SZT2: variants seen among roughly 807,000 people sequenced by gnomAD.
SZT2 encodes KICSTOR complex protein SZT2.
A neutral mutation model predicts 404.2 loss-of-function variants in SZT2; 216 were observed. The observed-to-expected ratio is 0.53, with a 90% CI of 0.48 to 0.60. The LOEUF (loss-of-function observed/expected upper bound fraction) is 0.60, where lower values mean the gene tolerates loss of function less well. Ranked by LOEUF, SZT2 falls within the 20% of genes least tolerant of loss-of-function variation. SZT2 has a pLI of 0.00. For synonymous variants in SZT2, 1,693 were observed against 1,749.9 expected (o/e 0.97, Z 0.81); for missense variants, 3,857 against 4,459.2 (o/e 0.86, Z 3.85).
intron 1 of SZT2, among the ~76,000 whole-genome samples, chr1:43,397,085 T>C (rs989043247): frequency 3.3e-5 from 5 of 152,194 alleles, no homozygotes; most frequent in Non-Finnish European, 7.3e-5. Context: ...ACAGTTATTA[T>C]TAGAACACTT....
intron 1 of SZT2, 123 bp from the exon 2 acceptor site, chr1:43,403,054 C>A: frequency 2.8e-6 from 3 of 1,064,350 alleles, no homozygotes; most frequent in Non-Finnish European, 4.2e-6. Context: ...AAACTTTTCA[C>A]TTCTGCTGTT....
rs934006314 is a variant in SZT2, at chr1:43,453,524, C to G, written c.*3044C>G. 3.3e-6 allele frequency: 5 copies of G among 1,533,066 alleles called. No homozygotes were observed. The Admixed American group carries it at 6.0e-5, about 18-fold the overall frequency. 95.0% of individuals were successfully genotyped at this position (1,533,066 alleles called of 1,614,324 possible). ...TGCAGAGAGAACGGGCCTCAGCCCCCGGCTCGGACACTCCCCTGCCCGCGC... is the reference window on the plus strand; with the variant it reads ...TGCAGAGAGAACGGGCCTCAGCCCCGGGCTCGGACACTCCCCTGCCCGCGC... On this transcript the variant is annotated 3_prime_UTR_variant, in exon 72 of 72. Coordinates refer to ENST00000634258, the MANE Select transcript of SZT2 (RefSeq NM_001365999.1).
intron 46 of SZT2, chr1:43,438,218 A>G (rs993390736): frequency 2.6e-6 from 1 of 378,972 alleles, no homozygotes; most frequent in Non-Finnish European, 4.9e-6. Context: ...TGACTGAGGC[A>G]CAGCTTGGGG....
rs773081202 is a variant in SZT2, at chr1:43,448,091, C to CGT, written c.9578_9579dup (p.Val3194TrpfsTer48). 6.3e-7 allele frequency: 1 copy of CGT among 1,596,518 alleles called. No homozygotes were observed. On this transcript the variant is annotated frameshift_variant, in exon 69 of 72. Transcript: ENST00000634258. LOFTEE classifies it high-confidence loss of function. This position sits in a 1 kb window ranked among gnomAD's most constrained non-coding sequence, Gnocchi z 4.2. ...CTCCCCACCCCAGGCTACAGTTCTT[C>CGT]GTGGTGCTCACCAGCCAGCGAGAGC...
rs780228990 is a variant in SZT2 at position 43,438,813 on chromosome 1, T to C, written c.6623T>C (p.Val2208Ala). Residue 2208 changes from valine (V) to alanine (A), a missense_variant, in exon 47 of 72, where the codon GTG becomes GCG. By Grantham distance (64) the Val-to-Ala change is moderately conservative. Coordinates refer to ENST00000634258, the MANE Select transcript of SZT2 (RefSeq NM_001365999.1). The stretch of plus-strand genomic sequence containing the variant: ...AACTGCAAGCTGACACCAGCTGATG[T>C]GGAGGTCAGCTCCCCTCTAGGCACC... ...VRNCKLTPAD[V>A]EFIQPPGSLP... 4 of 1,613,224 alleles carry C rather than the reference T, an allele frequency of 2.5e-6. No individual in the cohort carries two copies. In the African/African-American group the frequency reaches 4.0e-5, roughly 16 times the overall value.
rs554768382 is a variant in SZT2, at chr1:43,415,043, C to G, written c.499-39C>G. On this transcript the variant is annotated intron_variant, in intron 4 of 71. Transcript: ENST00000634258. ...CAGAAGTGTAGTGGTCTGTGCCACC[C>G]TGACCGTCCTGTCTCAGTCTTTCCC... 4.4e-5 allele frequency: 70 copies of G among 1,589,980 alleles called. No individual in the cohort carries two copies. The African/African-American group carries it at 7.3e-4, about 17-fold the overall frequency.
At position 43,448,402 on chromosome 1, in the gene SZT2, G is replaced by C. The variant is rs368272173; in HGVS notation, c.9887G>C (p.Gly3296Ala). 1.3e-5 allele frequency: 21 copies of C among 1,579,916 alleles called. 1 individual carries two copies. The highest frequency in any genetic ancestry group is 3.7e-5 in the Admixed American group (2 of 54,010). The change falls in exon 69 of 72, where the codon GGG becomes GCG. Residue 3296 changes from glycine (G) to alanine (A), a missense_variant. Gly to Ala is a moderately conservative substitution (Grantham distance 60). Around this residue, in one of 7 missense-constraint regions of SZT2, gnomAD observed 717 missense variants for 868.2 expected, o/e 0.83. Coordinates refer to ENST00000634258, the MANE Select transcript of SZT2 (RefSeq NM_001365999.1). This position sits in a 1 kb window ranked among gnomAD's most constrained non-coding sequence, Gnocchi z 4.2. ...CCGGGGCCTGATCGACTGCGGCTAG[G>C]GGGGCGCCTGGCCCTGGCAGAGCTG... Reference protein sequence around the residue: ...EPPGPDRLRLGGRLALAELEE... With the variant: ...EPPGPDRLRLAGRLALAELEE...
At chr1:43,402,137 A>G (rs980837667) in intron 1 of SZT2, among the ~76,000 whole-genome samples, 2 of 152,116 alleles carry the variant, frequency 1.3e-5, no homozygotes, top group Admixed American at 6.5e-5. Flanking sequence ...TTTCTCCTCT[A>G]CTACCTGCTC....
rs1013158825 is a variant in SZT2 at position 43,428,334 on chromosome 1, C to T, written c.4014C>T (p.Asp1338=). 2.5e-6 allele frequency: 4 copies of T among 1,614,044 alleles called. No individual in the cohort carries two copies. In the African/African-American group the frequency reaches 4.0e-5, roughly 16 times the overall value. ...DACEELLQEI[D]ITPFLLALCG... ...GTGAGGAGCTACTACAAGAAATAGA[C>T]ATCACCCCATTTCTCCTTGCATTGT... Residue 1338 remains aspartate (D), a synonymous_variant, in exon 28 of 72, where the codon GAC becomes GAT. Transcript: ENST00000634258.
At chr1:43,395,708 A>G (rs1297529302) in intron 1 of SZT2, among the ~76,000 whole-genome samples, 6 of 152,192 alleles carry the variant, frequency 3.9e-5, no homozygotes, top group South Asian at 2.1e-4. Context: ...GTCCTTCACT[A>G]TAGAATATGT....
chr1:43,414,366 C>T (rs1177659219), intron 4 of SZT2, among the ~76,000 whole-genome samples: 1 of 152,142 alleles, frequency 6.6e-6, no homozygotes, highest in East Asian at 1.9e-4. Context: ...ATTCCTGTAT[C>T]AAAATATCTC....
intron 28 of SZT2, 177 bp downstream of exon 28, chr1:43,428,663 G>T: frequency 2.5e-6 from 2 of 809,816 alleles, no homozygotes; most frequent in Non-Finnish European, 3.8e-6. Flanking sequence ...ATTTGGCACA[G>T]GCAGCAGTCT....
In SZT2 at chr1:43,442,741, TGA is replaced by T; in HGVS notation, c.8152-72_8152-71del. ...GCAGAGGTAGTGGGGAGGGAGAGTCTGAGAGAGGAAGCCCTGGGATGAGAGAG... is the reference window on the plus strand; with the variant it reads ...GCAGAGGTAGTGGGGAGGGAGAGTCTGAGAGGAAGCCCTGGGATGAGAGAG... On this transcript the variant is annotated intron_variant, in intron 58 of 71. Coordinates refer to ENST00000634258, the MANE Select transcript of SZT2 (RefSeq NM_001365999.1). This position sits in a 1 kb window ranked among gnomAD's most constrained non-coding sequence, Gnocchi z 4.5. 6.5e-7 allele frequency: 1 copy of T among 1,537,198 alleles called. No individual in the cohort carries two copies. Among genetic ancestry groups the T allele is most frequent in the Non-Finnish European group, 8.7e-7 (1 of 1,143,826 alleles).
In SZT2 at chr1:43,439,401, A is replaced by C. The variant is rs1368205104; in HGVS notation, c.6836A>C (p.Tyr2279Ser). The change falls in exon 49 of 72, where the codon TAC (tyrosine) becomes TCC (serine). Residue 2279 changes from tyrosine (Y) to serine (S), a missense_variant. Physicochemically the swap from Tyr to Ser is moderately radical, Grantham distance 144. Coordinates refer to ENST00000634258, the MANE Select transcript of SZT2 (RefSeq NM_001365999.1). This position sits in a 1 kb window ranked among gnomAD's most constrained non-coding sequence, Gnocchi z 4.2. ...GGTGGCCTCCCTGACTTGGACATCT[A>C]CTTGTATAACAAGCCTGGTGGACAG... ...PQGGLPDLDI[Y>S]LYNKPGGQGT... The C allele has an allele frequency of 8.1e-6, 13 of 1,613,192 alleles. No individual in the cohort carries two copies. The highest frequency in any genetic ancestry group is 1.0e-5 in the Non-Finnish European group (12 of 1,179,664).
chr1:43,427,233 C>G, intron 24 of SZT2, 48 bp from the exon 25 acceptor site: 2 of 1,605,318 alleles, frequency 1.2e-6, no homozygotes. Context: ...CCCTGAGCTC[C>G]CTCACTGGCC....
intron 13 of SZT2, 23 bp downstream of exon 13, chr1:43,422,655 A>ACCTC: frequency 9.1e-7 from 1 of 1,095,026 alleles, no homozygotes; most frequent in Admixed American, 3.0e-5. Context: ...ATGTCCCTTC[A>ACCTC]CCCCCCGCCC....
At chr1:43,408,988 C>T (rs1284364924) in intron 4 of SZT2, among the ~76,000 whole-genome samples, 4 of 152,056 alleles carry the variant, frequency 2.6e-5, no homozygotes, top group Admixed American at 2.0e-4. Flanking sequence ...ATCCTGAGGG[C>T]CACCGCAGGG....
chr1:43,405,481 C>A (rs1051966615), intron 4 of SZT2: 1 of 152,158 alleles, frequency 6.6e-6, no homozygotes, highest in Non-Finnish European at 1.5e-5. Context: ...AAGCATTGGC[C>A]CAGTTTCCCC....
rs1652618227 is a variant in SZT2, at chr1:43,423,101, T to C, written c.2040T>C (p.Ile680=). 1 of 1,588,008 alleles carries C rather than the reference T, an allele frequency of 6.3e-7. No homozygotes were observed. Among genetic ancestry groups the C allele is most frequent in the African/African-American group, 1.3e-5 (1 of 74,752 alleles). ...IGTPAPARHK[I]VSGLREEILR... is the part of the protein sequence containing the mutation. ...ATGTGACCACATTTTCCCCTCAGATTGTGTCAGGCTTGAGGGAAGAGATCC... is the reference window on the plus strand; with the variant it reads ...ATGTGACCACATTTTCCCCTCAGATCGTGTCAGGCTTGAGGGAAGAGATCC... Residue 680 remains isoleucine, a splice_region_variant and synonymous_variant, in exon 15 of 72, where the codon ATT becomes ATC. Coordinates refer to ENST00000634258, the MANE Select transcript of SZT2 (RefSeq NM_001365999.1).
Sources: gnomAD v4.1 joint callset for allele counts (sites outside exome capture counted in the v4.1 genomes callset) on GRCh38, gnomAD v4.1.1 for gene constraint, gnomAD v4.1.1 regional missense constraint, Gnocchi (gnomAD v3.1) non-coding constraint, MANE v1.5 for transcripts, NCBI Gene and HGNC (gene_info 2026-07-23, HGNC 2026-07-21) for gene names.